MATN2: variants seen among roughly 807,000 people sequenced by gnomAD.
MATN2 encodes the protein matrilin 2.
In MATN2, 69 loss-of-function variants were observed where a neutral mutation model predicts 103.2. That is an observed-to-expected ratio of 0.67 (90% CI 0.55 to 0.82). MATN2 has a LOEUF of 0.82. Among genes scored for constraint, MATN2 ranks in the 40% least tolerant of loss-of-function variants. The pLI is 0.00. For missense variants in MATN2, 1,023 were observed against 1,211.5 expected, an observed-to-expected ratio of 0.84 and a Z score of 2.31; for synonymous variants, 429 against 450.2, an observed-to-expected ratio of 0.95 and a Z score of 0.60.
intron 7 of MATN2, among the ~76,000 whole-genome samples, chr8:98,001,600 G>A (rs181656976): frequency 1.3e-5 from 2 of 152,058 alleles, no homozygotes; most frequent in East Asian, 3.9e-4. Context: ...AAGTAGCTGG[G>A]ATTGCAGACG....
chr8:97,991,264 A>G (rs1403751253), intron 6 of MATN2, among the ~76,000 whole-genome samples: 2 of 152,142 alleles, frequency 1.3e-5, no homozygotes, highest in Non-Finnish European at 2.9e-5. Flanking sequence ...TTTGTTTGTT[A>G]GAGACAGGCT....
At chr8:97,881,136 C>T (rs1818240245) in intron 1 of MATN2, among the ~76,000 whole-genome samples, 2 of 152,322 alleles carry the variant, frequency 1.3e-5, no homozygotes, top group Admixed American at 1.3e-4. Flanking sequence ...TGTCCTGTCC[C>T]CTTTCTCTTT....
At chr8:97,984,544 T>C (rs573728473) in intron 6 of MATN2, among the ~76,000 whole-genome samples, 41 of 152,318 alleles carry the variant, frequency 2.7e-4, no homozygotes, top group Admixed American at 1.7e-3. Context: ...ATGCTAATTG[T>C]TGAACTGAGA....
intron 10 of MATN2, among the ~76,000 whole-genome samples, chr8:98,010,791 G>A (rs760909084): frequency 5.3e-5 from 8 of 152,152 alleles, no homozygotes; most frequent in Non-Finnish European, 8.8e-5. Flanking sequence ...GATCAGAGCC[G>A]TCAGCCTAGG....
chr8:97,978,610 G>C (rs140408482), intron 5 of MATN2, among the ~76,000 whole-genome samples: 8 of 152,266 alleles, frequency 5.3e-5, no homozygotes, highest in African/African-American at 1.9e-4. Context: ...AGTGCACCTT[G>C]TGATGATTTT....
chr8:97,987,277 G>A (rs868276919), intron 6 of MATN2, among the ~76,000 whole-genome samples: 11 of 152,070 alleles, frequency 7.2e-5, no homozygotes, highest in Admixed American at 3.3e-4. Context: ...AACACACACC[G>A]GGGCCTGTAG....
chr8:98,019,785 TG>T (rs1813517723), intron 12 of MATN2, among the ~76,000 whole-genome samples: 1 of 152,230 alleles, frequency 6.6e-6, no homozygotes, highest in African/African-American at 2.4e-5. Context: ...TTTGCCCCAG[TG>T]GGCAAAATAA....
At chr8:97,986,933 C>T (rs571629717) in intron 6 of MATN2, among the ~76,000 whole-genome samples, 8 of 152,102 alleles carry the variant, frequency 5.3e-5, no homozygotes, top group South Asian at 2.1e-4. Flanking sequence ...CCAGGGTTCA[C>T]GCCATTCTCC....
chr8:97,941,511 C>CT (rs1294612063), intron 3 of MATN2, among the ~76,000 whole-genome samples: 9 of 152,096 alleles, frequency 5.9e-5, no homozygotes, highest in African/African-American at 1.7e-4. Context: ...AAATTTCTTG[C>CT]TTTTTTTTGT....
At chr8:97,965,529 A>C (rs1032575418) in intron 5 of MATN2, among the ~76,000 whole-genome samples, 1 of 152,192 alleles carries the variant, frequency 6.6e-6, no homozygotes, top group African/African-American at 2.4e-5. Flanking sequence ...AAAGGGAACA[A>C]GGAGAAGTCA....
chr8:97,985,368 C>T (rs898749062), intron 6 of MATN2, among the ~76,000 whole-genome samples: 2 of 152,126 alleles, frequency 1.3e-5, no homozygotes, highest in African/African-American at 4.8e-5. Flanking sequence ...CCCATTAAGC[C>T]CCGCCTCCAA....
At chr8:97,879,085 GA>G (rs1818169447) in intron 1 of MATN2, among the ~76,000 whole-genome samples, 1 of 152,148 alleles carries the variant, frequency 6.6e-6, no homozygotes, top group Non-Finnish European at 1.5e-5. Flanking sequence ...CCTAGCACAA[GA>G]AGCAAACAGA....
chr8:97,877,487 A>AT (rs1818117153), intron 1 of MATN2, among the ~76,000 whole-genome samples: 2 of 150,824 alleles, frequency 1.3e-5, no homozygotes, highest in South Asian at 4.2e-4. Flanking sequence ...CAAAAAAAAA[A>AT]CTTTTTTTTT....
At chr8:97,926,060 G>C (rs557021958) in intron 2 of MATN2, among the ~76,000 whole-genome samples, 1 of 152,300 alleles carries the variant, frequency 6.6e-6, no homozygotes, top group Admixed American at 6.5e-5. Flanking sequence ...TCCTGGCTCA[G>C]TTCCCTTTCT....
chr8:97,892,051 A>T (rs183160808), intron 2 of MATN2, among the ~76,000 whole-genome samples: 56 of 152,232 alleles, frequency 3.7e-4, no homozygotes, highest in African/African-American at 1.3e-3. Context: ...AGCCTGGCCA[A>T]CATGGTGAAA....
At chr8:97,911,304 T>C (rs1809425611) in intron 2 of MATN2, among the ~76,000 whole-genome samples, 1 of 152,162 alleles carries the variant, frequency 6.6e-6, no homozygotes, top group Non-Finnish European at 1.5e-5. Flanking sequence ...TTTAGAGCCA[T>C]AGCATATGGG....
chr8:97,888,022 A>T lies in MATN2; in HGVS notation c.-26-53A>T. The T allele has an allele frequency of 3.2e-6, 5 of 1,544,374 alleles. No individual in the cohort carries two copies. In the South Asian group the frequency reaches 6.1e-5, roughly 19 times the overall value. On this transcript the variant is annotated intron_variant, in intron 1 of 18. Transcript: ENST00000254898. ...AGCGGGCCTGCAGCTCCTGGAGTTC[A>T]GGGAGACCCGGAAATCTCACCCTGC...
At chr8:97,877,865 C>T (rs1032563158) in intron 1 of MATN2, among the ~76,000 whole-genome samples, 1 of 152,192 alleles carries the variant, frequency 6.6e-6, no homozygotes, top group African/African-American at 2.4e-5. Context: ...AGTCTGGAGA[C>T]AGTGAGTGTC....
chr8:97,976,346 T>C (rs1811837515), intron 5 of MATN2, among the ~76,000 whole-genome samples: 1 of 152,170 alleles, frequency 6.6e-6, no homozygotes, highest in Non-Finnish European at 1.5e-5. Context: ...TGACCTCCGG[T>C]GATCCACCCT....
Sources: gnomAD v4.1 joint callset for allele counts (sites outside exome capture counted in the v4.1 genomes callset) on GRCh38, gnomAD v4.1.1 for gene constraint, MANE v1.5 for transcripts, NCBI Gene and HGNC (gene_info 2026-07-23, HGNC 2026-07-21) for gene names.